Variants in KIAA1328 observed in about 807,000 individuals in gnomAD.
KIAA1328 encodes protein hinderin.
KIAA1328 carries 52 observed loss-of-function variants against 68.1 expected under a neutral mutation model. The ratio of observed to expected loss-of-function variants is 0.76; its 90% CI spans 0.61 to 0.96. The LOEUF (loss-of-function observed/expected upper bound fraction) is 0.96, where lower values mean the gene tolerates loss of function less well. Ranked by LOEUF, KIAA1328 falls within the 40% of genes least tolerant of loss-of-function variation. The pLI is 0.00. For synonymous variants in KIAA1328, 232 were observed against 239.4 expected, an observed-to-expected ratio of 0.97 and a Z score of 0.28; for missense variants, 641 against 677.6, an observed-to-expected ratio of 0.95 and a Z score of 0.60.
intron 8 of KIAA1328, among the ~76,000 whole-genome samples, chr18:37,168,224 C>A (rs1395169788): frequency 6.6e-6 from 1 of 152,158 alleles, no homozygotes; most frequent in Non-Finnish European, 1.5e-5. Context: ...TAGTAGGTCA[C>A]CAAGGACAAG....
At chr18:37,181,210 A>G (rs781630364) in intron 9 of KIAA1328, among the ~76,000 whole-genome samples, 2 of 152,154 alleles carry the variant, frequency 1.3e-5, no homozygotes, top group Non-Finnish European at 2.9e-5. Flanking sequence ...AAATGAAATG[A>G]TGCACATAAA....
At chr18:37,097,214 A>G (rs979400949) in intron 7 of KIAA1328, among the ~76,000 whole-genome samples, 3 of 152,190 alleles carry the variant, frequency 2.0e-5, no homozygotes, top group East Asian at 1.9e-4. Context: ...TAGGTCTAAC[A>G]TTTAAGTCTT....
chr18:37,191,424 C>T (rs1029522582), intron 9 of KIAA1328, among the ~76,000 whole-genome samples: 2 of 152,126 alleles, frequency 1.3e-5, no homozygotes, highest in African/African-American at 4.8e-5. Flanking sequence ...CTTAAAGTAT[C>T]CTGGGAGTAA....
At position 36,830,521 on chromosome 18, in the gene KIAA1328, C is replaced by T. The variant is rs898392278; in HGVS notation, c.58+1325C>T. ...ACATAATTTTGTGATGGAGGAGATA[C>T]TTGAAGGTTATTAGCTTATAGCATC... On this transcript the variant is annotated intron_variant, in intron 1 of 9. Coordinates refer to ENST00000280020, the MANE Select transcript of KIAA1328 (RefSeq NM_020776.3). 7.9e-5 allele frequency among the ~76,000 whole-genome samples: 12 copies of T among 152,056 alleles called. No homozygotes were observed. The East Asian group carries it at 2.3e-3, about 29-fold the overall frequency.
At chr18:37,205,436 C>A (rs2060199300) in intron 9 of KIAA1328, among the ~76,000 whole-genome samples, 1 of 152,132 alleles carries the variant, frequency 6.6e-6, no homozygotes, top group Non-Finnish European at 1.5e-5. Flanking sequence ...AGACAGGCAA[C>A]AAAACCCATT....
intron 4 of KIAA1328, among the ~76,000 whole-genome samples, chr18:36,870,960 A>G (rs2047923892): frequency 1.3e-5 from 2 of 152,144 alleles, no homozygotes; most frequent in African/African-American, 4.8e-5. Context: ...TTTGGCCTCC[A>G]CCAAGCTGAA....
intron 9 of KIAA1328, among the ~76,000 whole-genome samples, chr18:37,179,882 G>C (rs1046942683): frequency 5.9e-5 from 9 of 152,056 alleles, no homozygotes; most frequent in Admixed American, 5.9e-4. Context: ...ATAAACCAAG[G>C]CTTTAGCCCA....
At chr18:36,949,597 T>TCCCCCCCCCCCCCCC (rs71168248) in intron 5 of KIAA1328, among the ~76,000 whole-genome samples, 17 of 57,356 alleles carry the variant, frequency 3.0e-4, no homozygotes, top group African/African-American at 4.6e-4. Flanking sequence ...TCTACCCAGC[T>TCCCCCCCCCCCCCCC]CCCCCCCCCC....
chr18:37,045,368 T>C (rs969947517), intron 6 of KIAA1328, among the ~76,000 whole-genome samples: 7 of 152,206 alleles, frequency 4.6e-5, no homozygotes, highest in African/African-American at 1.7e-4. Context: ...GATTAATGAT[T>C]TACATTTAAG....
At chr18:37,082,114 AC>A (rs759320544) in intron 7 of KIAA1328, among the ~76,000 whole-genome samples, 3 of 149,598 alleles carry the variant, frequency 2.0e-5, no homozygotes, top group Non-Finnish European at 4.4e-5. Context: ...ATATATATAT[AC>A]TTTTAACTTT....
chr18:37,068,864 A>C (rs535568279), intron 7 of KIAA1328, among the ~76,000 whole-genome samples: 2 of 151,802 alleles, frequency 1.3e-5, no homozygotes, highest in South Asian at 4.2e-4. Flanking sequence ...TAATTATCCC[A>C]CCTCAGCCTC....
intron 6 of KIAA1328, among the ~76,000 whole-genome samples, chr18:37,028,010 A>T (rs919224424): frequency 6.6e-6 from 1 of 152,230 alleles, no homozygotes; most frequent in Non-Finnish European, 1.5e-5. Context: ...AAACAAATTT[A>T]CAAGAAAAAA....
At chr18:37,063,037 T>C (rs901550437) in intron 6 of KIAA1328, among the ~76,000 whole-genome samples, 14 of 78,412 alleles carry the variant, frequency 1.8e-4, no homozygotes, top group African/African-American at 4.1e-4. Flanking sequence ...GCTGCATTCC[T>C]TTTTTTTTTT....
intron 5 of KIAA1328, among the ~76,000 whole-genome samples, chr18:36,917,982 T>C (rs893943332): frequency 3.3e-5 from 5 of 152,002 alleles, no homozygotes; most frequent in Non-Finnish European, 1.5e-5. Context: ...TTTTTTTTTG[T>C]TTTTGTTTTT....
intron 9 of KIAA1328, among the ~76,000 whole-genome samples, chr18:37,217,818 AT>A (rs1272896258): frequency 6.6e-6 from 1 of 152,130 alleles, no homozygotes; most frequent in Non-Finnish European, 1.5e-5. Context: ...TCAAACGTAG[AT>A]TTGGTCTTTT....
In KIAA1328 at chr18:37,060,851, C is replaced by T. The variant is rs371511823; in HGVS notation, c.577-6039C>T. Among the ~76,000 whole-genome samples, 24 of 152,326 alleles carry T rather than the reference C, an allele frequency of 1.6e-4. No individual in the cohort carries two copies. In the East Asian group the frequency reaches 4.4e-3, roughly 28 times the overall value. On this transcript the variant is annotated intron_variant, in intron 6 of 9. Transcript: ENST00000280020. ...CTATGCAGCGGGCTGAGCGCTGTGG[C>T]TCACGCCTGTAATCTCAGCACTTTG...
intron 7 of KIAA1328, among the ~76,000 whole-genome samples, chr18:37,109,716 G>A (rs1322823803): frequency 3.3e-5 from 5 of 152,172 alleles, no homozygotes; most frequent in South Asian, 2.1e-4. Context: ...TCTGCTGCAC[G>A]TGAATAGACA....
chr18:37,034,209 C>T (rs1400246790), intron 6 of KIAA1328, among the ~76,000 whole-genome samples: 2 of 151,934 alleles, frequency 1.3e-5, no homozygotes, highest in Non-Finnish European at 2.9e-5. Flanking sequence ...ATGGGGATTA[C>T]AGTATTAAAT....
At chr18:37,216,899 CTTTTTTT>C (rs762745405) in intron 9 of KIAA1328, among the ~76,000 whole-genome samples, 55 of 90,356 alleles carry the variant, frequency 6.1e-4, no homozygotes, top group African/African-American at 2.4e-3. Flanking sequence ...TTCTTTGTCT[CTTTTTTT>C]TTTTTTTTTT....
Sources: gnomAD v4.1 joint callset for allele counts (sites outside exome capture counted in the v4.1 genomes callset) on GRCh38, gnomAD v4.1.1 for gene constraint, MANE v1.5 for transcripts, NCBI Gene and HGNC (gene_info 2026-07-23, HGNC 2026-07-21) for gene names.